Variants in ARHGAP15 observed in about 807,000 individuals in gnomAD.
ARHGAP15 encodes the protein Rho GTPase activating protein 15, also known as rho GTPase-activating protein 15.
A neutral mutation model predicts 63.7 loss-of-function variants in ARHGAP15; 51 were observed. That is an observed-to-expected ratio of 0.80 (90% CI 0.64 to 1.01). ARHGAP15 has a LOEUF of 1.01. Ranked by LOEUF, ARHGAP15 falls within the 50% of genes least tolerant of loss-of-function variation. The pLI is 0.00. For missense variants in ARHGAP15, 560 were observed against 564.6 expected (o/e 0.99, Z 0.08); for synonymous variants, 191 against 193.8 (o/e 0.99, Z 0.12).
intron 6 of ARHGAP15, among the ~76,000 whole-genome samples, chr2:143,291,290 A>G (rs1682386883): frequency 6.6e-6 from 1 of 152,132 alleles, no homozygotes; most frequent in South Asian, 2.1e-4. Context: ...CTTGGGGATG[A>G]CAATGAATAT....
chr2:143,387,299 T>TGAAA (rs1443438434), intron 6 of ARHGAP15, among the ~76,000 whole-genome samples: 1 of 152,208 alleles, frequency 6.6e-6, no homozygotes, highest in Non-Finnish European at 1.5e-5. Context: ...TTTTATCTGA[T>TGAAA]GTCCTGATAC....
intron 4 of ARHGAP15, among the ~76,000 whole-genome samples, chr2:143,221,704 G>A (rs1390038118): frequency 2.0e-5 from 3 of 152,138 alleles, no homozygotes; most frequent in Non-Finnish European, 4.4e-5. Flanking sequence ...AGGTCTTCCC[G>A]TCATCAGCTC....
At chr2:143,737,719 CTATTTATTT>C (rs1559153569) in intron 13 of ARHGAP15, among the ~76,000 whole-genome samples, 2 of 146,796 alleles carry the variant, frequency 1.4e-5, no homozygotes. Flanking sequence ...CTTTTGAAAC[CTATTTATTT>C]TATTTATTTA....
At chr2:143,750,604 A>G (rs751264503) in intron 13 of ARHGAP15, among the ~76,000 whole-genome samples, 3 of 152,232 alleles carry the variant, frequency 2.0e-5, no homozygotes, top group Non-Finnish European at 2.9e-5. Context: ...GATCACAGTC[A>G]GTACCTATAG....
chr2:143,193,867 C>A (rs537211595), intron 2 of ARHGAP15, among the ~76,000 whole-genome samples: 1 of 152,184 alleles, frequency 6.6e-6, no homozygotes, highest in East Asian at 1.9e-4. Context: ...TGGATCAGAG[C>A]TTTCACAAAA....
At chr2:143,687,273 A>G (rs973158987) in intron 12 of ARHGAP15, among the ~76,000 whole-genome samples, 1 of 152,172 alleles carries the variant, frequency 6.6e-6, no homozygotes, top group Non-Finnish European at 1.5e-5. Flanking sequence ...CTATTTTCTT[A>G]CTTAGAAATG....
chr2:143,668,840 A>G (rs1187494046), intron 12 of ARHGAP15, among the ~76,000 whole-genome samples: 1 of 152,240 alleles, frequency 6.6e-6, no homozygotes, highest in Non-Finnish European at 1.5e-5. Context: ...GATCTAGGCC[A>G]CAAAATTATT....
At chr2:143,586,094 T>C (rs1243218403) in intron 11 of ARHGAP15, among the ~76,000 whole-genome samples, 2 of 152,168 alleles carry the variant, frequency 1.3e-5, no homozygotes, top group Non-Finnish European at 1.5e-5. Context: ...CACTTTTTCA[T>C]GTAGCACTCA....
chr2:143,401,977 G>C (rs1015355023), intron 6 of ARHGAP15, among the ~76,000 whole-genome samples: 3 of 151,788 alleles, frequency 2.0e-5, no homozygotes, highest in Non-Finnish European at 2.9e-5. Context: ...TTGTTATGTG[G>C]ATAGGTCTGA....
At chr2:143,232,946 G>T (rs1693504422) in intron 5 of ARHGAP15, among the ~76,000 whole-genome samples, 1 of 151,802 alleles carries the variant, frequency 6.6e-6, no homozygotes, top group East Asian at 1.9e-4. Context: ...CTTTGTTTCT[G>T]CTCTGTTAGT....
intron 11 of ARHGAP15, among the ~76,000 whole-genome samples, chr2:143,605,858 CAAAAAAAAA>C (rs373847590): frequency 1.1e-4 from 9 of 85,310 alleles, no homozygotes; most frequent in South Asian, 4.9e-4. Context: ...TACTAAAATA[CAAAAAAAAA>C]AAAAAAAAAA....
intron 6 of ARHGAP15, among the ~76,000 whole-genome samples, chr2:143,405,364 T>C (rs184220314): frequency 2.5e-4 from 38 of 151,976 alleles, no homozygotes; most frequent in Admixed American, 1.6e-3. Flanking sequence ...ATTTTTTTGA[T>C]TTCCCCTCTT....
chr2:143,633,864 C>T (rs1293728930), intron 12 of ARHGAP15, among the ~76,000 whole-genome samples: 1 of 152,124 alleles, frequency 6.6e-6, no homozygotes, highest in African/African-American at 2.4e-5. Flanking sequence ...CTTTGCTTGA[C>T]ACCACATTGT....
chr2:143,248,256 T>C (rs1344132401), intron 5 of ARHGAP15, among the ~76,000 whole-genome samples: 1 of 152,064 alleles, frequency 6.6e-6, no homozygotes, highest in Non-Finnish European at 1.5e-5. Context: ...AACTGGGAAC[T>C]GAAGGATAAG....
intron 2 of ARHGAP15, among the ~76,000 whole-genome samples, chr2:143,197,743 G>A (rs1691937957): frequency 6.6e-6 from 1 of 151,952 alleles, no homozygotes. Context: ...TAACCTGGTT[G>A]AAAATGATAG....
At chr2:143,562,090 C>T (rs575588462) in intron 11 of ARHGAP15, among the ~76,000 whole-genome samples, 15 of 152,244 alleles carry the variant, frequency 9.9e-5, no homozygotes, top group African/African-American at 3.1e-4. Flanking sequence ...TTAGTTTAAA[C>T]ATGCTAAGAA....
chr2:143,606,885 A>T (rs1698057922), intron 11 of ARHGAP15: 1 of 152,220 alleles, frequency 6.6e-6, no homozygotes, highest in Non-Finnish European at 1.5e-5. Flanking sequence ...CCAACCAAAC[A>T]TAGTGAAGGG....
chr2:143,235,266 AT>A (rs544029471), intron 5 of ARHGAP15, among the ~76,000 whole-genome samples: 179 of 141,072 alleles, frequency 1.3e-3, no homozygotes, highest in Non-Finnish European at 2.0e-3. Context: ...TTCCACTGAG[AT>A]TTTGAAGAAG....
At chr2:143,333,537 G>A (rs1292655947) in intron 6 of ARHGAP15, among the ~76,000 whole-genome samples, 1 of 152,142 alleles carries the variant, frequency 6.6e-6, no homozygotes, top group Non-Finnish European at 1.5e-5. Flanking sequence ...ATCAAACAAA[G>A]TGAAAGACAA....
Sources: allele counts gnomAD v4.1 joint callset (sites outside exome capture counted in the v4.1 genomes callset), GRCh38; gene constraint gnomAD v4.1.1; transcripts MANE v1.5; gene names NCBI Gene and HGNC (gene_info 2026-07-23, HGNC 2026-07-21).